The following SPRED1 variants were observed in gnomAD, a reference collection of about 807,000 sequenced individuals.
SPRED1 encodes the protein sprouty-related, EVH1 domain-containing protein 1.
SPRED1 carries 18 observed loss-of-function variants against 52.3 expected under a neutral mutation model. That is an observed-to-expected ratio of 0.34 (90% CI 0.24 to 0.51). The LOEUF (loss-of-function observed/expected upper bound fraction) is 0.51. Among genes scored for constraint, SPRED1 ranks in the 20% least tolerant of loss-of-function variants. SPRED1 has a pLI of 0.97. For missense variants in SPRED1, 485 were observed against 551.0 expected, an observed-to-expected ratio of 0.88 and a Z score of 1.20; for synonymous variants, 155 against 179.7, an observed-to-expected ratio of 0.86 and a Z score of 1.10.
Position 38,324,855 on chromosome 15 carries a change from A to G in SPRED1, c.423+46A>G, listed in dbSNP as rs778804596. The G allele has an allele frequency of 9.2e-6, 13 of 1,414,812 alleles. No homozygotes were observed. In the East Asian group the frequency reaches 3.0e-4, roughly 32 times the overall value. The allele number at this position is 1,414,812 out of a possible 1,614,324, so 87.6% of individuals were successfully genotyped here. ...AATTTGTAAACATAAAGGATGTGGAAGAAATCACTAGCCTTATTCAATAAA... is the reference window on the plus strand; with the variant it reads ...AATTTGTAAACATAAAGGATGTGGAGGAAATCACTAGCCTTATTCAATAAA... On this transcript the variant is annotated intron_variant, in intron 4 of 6. Coordinates refer to ENST00000299084, the MANE Select transcript of SPRED1 (RefSeq NM_152594.3).
rs761401264 is a variant in SPRED1 at position 38,351,653 on chromosome 15, G to A, written c.1324G>A (p.Ala442Thr). Residue 442 changes from alanine to threonine, a missense_variant, in exon 7 of 7, where the codon GCT becomes ACT. Ala to Thr is a moderately conservative substitution (Grantham distance 58, BLOSUM62 0). Around this residue, in one of 5 missense-constraint regions of SPRED1, gnomAD observed 205 missense variants for 245.2 expected, o/e 0.84. Coordinates refer to ENST00000299084, the MANE Select transcript of SPRED1 (RefSeq NM_152594.3). ...ACGCCGGKHK[A>T]AG ...TGGTTGCTGTGGTGGGAAACATAAA[G>A]CTGCTGGATGAAATGGTCCAGTGCC... The A allele has an allele frequency of 3.1e-6, 5 of 1,612,462 alleles. No individual in the cohort carries two copies. The Admixed American group carries it at 6.7e-5, about 22-fold the overall frequency.
chr15:38,287,759 G>A (rs1894840101), intron 1 of SPRED1, among the ~76,000 whole-genome samples: 1 of 152,168 alleles, frequency 6.6e-6, no homozygotes, highest in African/African-American at 2.4e-5. Context: ...GATGTCCATA[G>A]GCTGTATGCA....
chr15:38,319,909 A>T (rs574867526), intron 2 of SPRED1, among the ~76,000 whole-genome samples: 28 of 152,328 alleles, frequency 1.8e-4, no homozygotes, highest in African/African-American at 4.8e-4. Flanking sequence ...TATAGCATTT[A>T]CATACCTCTA....
At chr15:38,307,691 T>A (rs1352196213) in intron 2 of SPRED1, among the ~76,000 whole-genome samples, 1 of 152,170 alleles carries the variant, frequency 6.6e-6, no homozygotes, top group African/African-American at 2.4e-5. Context: ...TTGAGTAGTA[T>A]TCTATGATAT....
chr15:38,322,524 A>G, intron 3 of SPRED1, 115 bp downstream of exon 3: 2 of 1,014,314 alleles, frequency 2.0e-6, no homozygotes, highest in Non-Finnish European at 3.0e-6. Flanking sequence ...AGCTTTTGTG[A>G]TATGTGACCA....
intron 1 of SPRED1, among the ~76,000 whole-genome samples, chr15:38,282,062 A>G (rs1235962025): frequency 2.0e-5 from 3 of 152,222 alleles, no homozygotes; most frequent in Non-Finnish European, 4.4e-5. Context: ...TGAAGTTGTC[A>G]TAGTCCAGTG....
At chr15:38,279,695 C>T (rs773891330) in intron 1 of SPRED1, among the ~76,000 whole-genome samples, 36 of 152,162 alleles carry the variant, frequency 2.4e-4, no homozygotes, top group Admixed American at 7.2e-4. Flanking sequence ...CCTTGTAAAG[C>T]ATTGAACCAT....
intron 1 of SPRED1, among the ~76,000 whole-genome samples, chr15:38,297,101 A>G (rs965876307): frequency 6.6e-6 from 1 of 152,168 alleles, no homozygotes; most frequent in Non-Finnish European, 1.5e-5. Context: ...CAGCCTCTGG[A>G]CTTTCAAGCC....
chr15:38,350,957 A>G (rs1455523622), intron 6 of SPRED1, 57 bp from the exon 7 acceptor site: 1 of 1,518,408 alleles, frequency 6.6e-7, no homozygotes, highest in African/African-American at 1.4e-5. Flanking sequence ...CACCAAGGTG[A>G]CACGTAAAAT....
In SPRED1 at chr15:38,323,793, G is replaced by A. The variant is rs192585803; in HGVS notation, c.377-970G>A. ...AGTGCTTTAAAGAGAGAGAAAAATA[G>A]TATCCATGGCTGCTGGAATTTATAT... On this transcript the variant is annotated intron_variant, in intron 3 of 6. Coordinates refer to ENST00000299084, the MANE Select transcript of SPRED1 (RefSeq NM_152594.3). Among the ~76,000 whole-genome samples, 422 of 152,210 alleles carry A rather than the reference G, an allele frequency of 2.8e-3. 2 individuals are homozygous for A. The highest frequency in any genetic ancestry group is 4.7e-3 in the Non-Finnish European group (319 of 67,994).
intron 2 of SPRED1, among the ~76,000 whole-genome samples, chr15:38,314,965 G>A (rs1171441376): frequency 1.3e-5 from 2 of 151,634 alleles, no homozygotes; most frequent in East Asian, 3.9e-4. Flanking sequence ...AATGTCTAAA[G>A]TCCCACTCAG....
intron 1 of SPRED1, among the ~76,000 whole-genome samples, chr15:38,280,049 C>T (rs970227678): frequency 2.0e-5 from 3 of 152,148 alleles, no homozygotes; most frequent in African/African-American, 4.8e-5. Flanking sequence ...ACTGTAAGTT[C>T]AGTGTTGTTT....
intron 2 of SPRED1, among the ~76,000 whole-genome samples, chr15:38,312,409 G>A (rs1051395799): frequency 9.9e-5 from 15 of 152,098 alleles, no homozygotes; most frequent in African/African-American, 3.4e-4. Context: ...GCCTGTGCCC[G>A]ATTGTTTTTT....
chr15:38,307,406 T>C (rs954532399), intron 2 of SPRED1, among the ~76,000 whole-genome samples: 3 of 152,202 alleles, frequency 2.0e-5, no homozygotes, highest in African/African-American at 7.2e-5. Flanking sequence ...GTGGGCTGTC[T>C]TCCTGGCTTT....
intron 2 of SPRED1, among the ~76,000 whole-genome samples, chr15:38,313,630 GTTATA>G (rs555934702): frequency 2.4e-3 from 367 of 150,998 alleles, no homozygotes; most frequent in African/African-American, 8.1e-3. Context: ...TATATTATCT[GTTATA>G]TTATATTCTA....
At chr15:38,254,867 A>C (rs1416734395) in intron 1 of SPRED1, among the ~76,000 whole-genome samples, 1 of 152,236 alleles carries the variant, frequency 6.6e-6, no homozygotes, top group Non-Finnish European at 1.5e-5. Context: ...ATGGTTATTT[A>C]GGAGAAGAAC....
intron 4 of SPRED1, among the ~76,000 whole-genome samples, chr15:38,333,174 T>C (rs538858473): frequency 1.3e-5 from 2 of 152,292 alleles, no homozygotes; most frequent in African/African-American, 4.8e-5. Context: ...TATAGGGTGA[T>C]AGATACATAT....
At chr15:38,336,661 AAGT>A (rs201557181) in intron 4 of SPRED1, among the ~76,000 whole-genome samples, 4,578 of 152,002 alleles carry the variant, frequency 0.03, 101 homozygotes, top group Non-Finnish European at 0.043. Context: ...AAACTATTCT[AAGT>A]GAAGCAACTC....
intron 2 of SPRED1, among the ~76,000 whole-genome samples, chr15:38,321,821 C>T (rs1381512485): frequency 1.3e-5 from 2 of 152,060 alleles, no homozygotes; most frequent in Non-Finnish European, 1.5e-5. Context: ...TCTCAAACTC[C>T]TGATTTCAAG....
Sources: allele counts gnomAD v4.1 joint callset (sites outside exome capture counted in the v4.1 genomes callset), GRCh38; gene constraint gnomAD v4.1.1; regional missense constraint gnomAD v4.1.1; transcripts MANE v1.5; gene names NCBI Gene and HGNC (gene_info 2026-07-23, HGNC 2026-07-21).